The following TNRC6A variants were observed in gnomAD, a reference collection of about 807,000 sequenced individuals.
TNRC6A encodes the protein trinucleotide repeat-containing gene 6A protein.
A neutral mutation model predicts 221.2 loss-of-function variants in TNRC6A; 44 were observed. The observed-to-expected ratio is 0.20, with a 90% CI of 0.16 to 0.26. The LOEUF (loss-of-function observed/expected upper bound fraction) is 0.26. Among genes scored for constraint, TNRC6A ranks in the 10% least tolerant of loss-of-function variants. The probability of loss-of-function intolerance (pLI) is 1.00; values close to 1 mark genes in which losing one functional copy is unlikely to be tolerated. For missense variants in TNRC6A, 2,199 were observed against 2,404.4 expected, an observed-to-expected ratio of 0.91 and a Z score of 1.79; for synonymous variants, 847 against 838.5, an observed-to-expected ratio of 1.01 and a Z score of -0.18.
At chr16:24,706,659 T>C (rs1395979501) in intron 2 of TNRC6A, among the ~76,000 whole-genome samples, 1 of 134,544 alleles carries the variant, frequency 7.4e-6, no homozygotes, top group Admixed American at 8.5e-5. Flanking sequence ...GCTACTGCAC[T>C]CCAGCCTGGG....
At chr16:24,730,136 T>TC in intron 1 of TNRC6A, 117 bp from the exon 2 acceptor site, 1 of 469,270 alleles carries the variant, frequency 2.1e-6, no homozygotes. Flanking sequence ...CCCCGTCCTC[T>TC]CCCCTCCCCC....
At chr16:24,718,002 T>C (rs1326687212) in intron 2 of TNRC6A, among the ~76,000 whole-genome samples, 8 of 152,060 alleles carry the variant, frequency 5.3e-5, no homozygotes, top group Non-Finnish European at 1.2e-4. Flanking sequence ...GGTCTCGAAC[T>C]CCTGATCCCT....
chr16:24,806,162 G>C (rs2058427351), intron 15 of TNRC6A, 44 bp from the exon 16 acceptor site: 1 of 1,606,066 alleles, frequency 6.2e-7, no homozygotes, highest in East Asian at 2.2e-5. Flanking sequence ...CACACACTTT[G>C]TAATGGTGTG....
intron 20 of TNRC6A, 42 bp from the exon 21 acceptor site, chr16:24,818,551 G>A (rs370635535): frequency 1.4e-5 from 21 of 1,526,410 alleles, no homozygotes; most frequent in East Asian, 1.4e-4. Flanking sequence ...GAACCTCCAC[G>A]TCCCTTGCTC....
chr16:24,723,240 G>A (rs1008056568), intron 2 of TNRC6A, among the ~76,000 whole-genome samples: 2 of 152,168 alleles, frequency 1.3e-5, no homozygotes, highest in South Asian at 2.1e-4. Flanking sequence ...CCTCCACTCC[G>A]CAGAGGGTTT....
At chr16:24,618,897 T>G (rs1368078593) in intron 1 of TNRC6A, among the ~76,000 whole-genome samples, 1 of 152,080 alleles carries the variant, frequency 6.6e-6, no homozygotes. Context: ...CCCGAAGTGC[T>G]AGGATTACAG....
intron 2 of TNRC6A, among the ~76,000 whole-genome samples, chr16:24,685,246 A>G (rs1457827058): frequency 6.6e-6 from 1 of 152,196 alleles, no homozygotes; most frequent in East Asian, 1.9e-4. Flanking sequence ...TAACCTCACA[A>G]CAATCTTTCA....
chr16:24,798,035 G>T, intron 11 of TNRC6A, 69 bp downstream of exon 11: 1 of 1,401,866 alleles, frequency 7.1e-7, no homozygotes, highest in South Asian at 1.3e-5. Flanking sequence ...TGATTCTACT[G>T]AAAGAGCCCT....
chr16:24,813,734 G>A (rs918213271), intron 18 of TNRC6A, among the ~76,000 whole-genome samples: 2 of 152,160 alleles, frequency 1.3e-5, no homozygotes, highest in African/African-American at 2.4e-5. Flanking sequence ...AACCTGTCAC[G>A]TAGGTTTTAC....
intron 11 of TNRC6A, among the ~76,000 whole-genome samples, chr16:24,800,963 T>C (rs922086915): frequency 2.6e-5 from 4 of 152,288 alleles, no homozygotes; most frequent in Admixed American, 6.5e-5. Context: ...AGTCCAGATA[T>C]ATTTTCATAG....
At chr16:24,661,955 G>C (rs1489573668) in intron 2 of TNRC6A, 1 of 152,146 alleles carries the variant, frequency 6.6e-6, no homozygotes, top group African/African-American at 2.4e-5. Context: ...TAGTTGCTTA[G>C]GAGGCTGAGG....
At chr16:24,629,322 C>G (rs1326631620) in intron 1 of TNRC6A, among the ~76,000 whole-genome samples, 2 of 152,142 alleles carry the variant, frequency 1.3e-5, no homozygotes, top group Non-Finnish European at 2.9e-5. Context: ...ACTTATAAAT[C>G]CAACAAACAG....
chr16:24,703,159 C>T (rs1406650561), intron 2 of TNRC6A, among the ~76,000 whole-genome samples: 1 of 151,866 alleles, frequency 6.6e-6, no homozygotes, highest in East Asian at 1.9e-4. Context: ...TTTTATTCAC[C>T]ACCTAAAAAA....
intron 1 of TNRC6A, among the ~76,000 whole-genome samples, chr16:24,634,282 T>C (rs1021029430): frequency 2.0e-5 from 3 of 151,918 alleles, no homozygotes; most frequent in Admixed American, 6.6e-5. Context: ...ACAAAACAGA[T>C]AGCCAGGCAT....
chr16:24,752,194 G>A (rs2057152402), intron 3 of TNRC6A, among the ~76,000 whole-genome samples: 1 of 152,184 alleles, frequency 6.6e-6, no homozygotes, highest in African/African-American at 2.4e-5. Context: ...AAATACTGGT[G>A]AAGGGACTAT....
intron 2 of TNRC6A, among the ~76,000 whole-genome samples, chr16:24,705,297 T>G (rs2142253501): frequency 6.6e-6 from 1 of 152,144 alleles, no homozygotes; most frequent in South Asian, 2.1e-4. Flanking sequence ...CCTCTCAAAC[T>G]CTATCTTATA....
chr16:24,703,456 T>C (rs1314282190), intron 2 of TNRC6A, among the ~76,000 whole-genome samples: 3 of 152,188 alleles, frequency 2.0e-5, no homozygotes, highest in African/African-American at 4.8e-5. Flanking sequence ...AGTGCACATC[T>C]GTAGTCTGTT....
chr16:24,769,795 A>G (rs1249876519), intron 4 of TNRC6A, among the ~76,000 whole-genome samples: 2 of 152,056 alleles, frequency 1.3e-5, no homozygotes, highest in Non-Finnish European at 1.5e-5. Flanking sequence ...TCATTATTGC[A>G]CCTCTTGAAT....
Position 24,789,890 on chromosome 16 carries a change from C to T in TNRC6A, c.1248C>T (p.Thr416=). The change falls in exon 6 of 25, where the codon ACC becomes ACT. Residue 416 remains threonine, a synonymous_variant. Coordinates refer to ENST00000395799, the MANE Select transcript of TNRC6A (RefSeq NM_014494.4). ...ACTCTAAAGTGAGTGGTGGTTCTAC[C>T]CATGGTACCTGGGGAAGCCTTCAGG... ...SINSKVSGGS[T]HGTWGSLQET... is the part of the protein sequence containing the mutation. 2 of 1,613,992 alleles carry T rather than the reference C, an allele frequency of 1.2e-6. No homozygotes were observed. Among genetic ancestry groups the T allele is most frequent in the African/African-American group, 1.3e-5 (1 of 75,034 alleles).
Sources: allele counts gnomAD v4.1 joint callset (sites outside exome capture counted in the v4.1 genomes callset), GRCh38; gene constraint gnomAD v4.1.1; transcripts MANE v1.5; gene names NCBI Gene and HGNC (gene_info 2026-07-23, HGNC 2026-07-21).